PDE4D: variants seen among roughly 807,000 people sequenced by gnomAD.
PDE4D encodes the protein phosphodiesterase 4D.
A neutral mutation model predicts 87.4 loss-of-function variants in PDE4D; 24 were observed. The ratio of observed to expected loss-of-function variants is 0.27; its 90% confidence interval spans 0.20 to 0.39. The LOEUF (loss-of-function observed/expected upper bound fraction) is 0.39. Among genes scored for constraint, PDE4D ranks in the 10% least tolerant of loss-of-function variants. The probability of loss-of-function intolerance (pLI) is 1.00; values close to 1 mark genes in which losing one functional copy is unlikely to be tolerated. For synonymous variants in PDE4D, 384 were observed against 383.2 expected (o/e 1.00, Z -0.02); for missense variants, 714 against 1,041.0 (o/e 0.69, Z 4.32).
At chr5:60,239,615 A>C (rs1746847220) in intron 1 of PDE4D, among the ~76,000 whole-genome samples, 1 of 152,102 alleles carries the variant, frequency 6.6e-6, no homozygotes, top group African/African-American at 2.4e-5. Flanking sequence ...TTACCTTAAA[A>C]TTTTGTAATT....
chr5:59,252,724 C>T (rs1286201333), intron 1 of PDE4D, among the ~76,000 whole-genome samples: 2 of 151,970 alleles, frequency 1.3e-5, no homozygotes, highest in Non-Finnish European at 2.9e-5. Flanking sequence ...ACAGGGTCTT[C>T]CTATGTTGCC....
intron 1 of PDE4D, among the ~76,000 whole-genome samples, chr5:59,509,338 C>T (rs1393423922): frequency 2.0e-5 from 3 of 150,586 alleles, no homozygotes; most frequent in Non-Finnish European, 4.4e-5. Context: ...AAGAAAACCA[C>T]ACATGAAGAG....
At chr5:59,332,532 T>C (rs2153577508) in intron 1 of PDE4D, among the ~76,000 whole-genome samples, 1 of 152,250 alleles carries the variant, frequency 6.6e-6, no homozygotes, top group South Asian at 2.1e-4. Context: ...TTAGTTCTTC[T>C]CCATTTTCCT....
At chr5:59,962,053 T>G (rs1759530067) in intron 3 of PDE4D, among the ~76,000 whole-genome samples, 1 of 151,904 alleles carries the variant, frequency 6.6e-6, no homozygotes, top group Admixed American at 6.6e-5. Context: ...ATCCTTAATT[T>G]TTTTAGATTA....
intron 1 of PDE4D, among the ~76,000 whole-genome samples, chr5:59,870,696 A>T (rs1330837928): frequency 1.3e-5 from 2 of 152,154 alleles, no homozygotes; most frequent in Non-Finnish European, 2.9e-5. Flanking sequence ...GCTGAAGCTC[A>T]TTTGGGATCA....
At chr5:60,473,117 G>GAA (rs760062631) in intron 1 of PDE4D, among the ~76,000 whole-genome samples, 10 of 81,010 alleles carry the variant, frequency 1.2e-4, no homozygotes, top group African/African-American at 2.0e-4. Context: ...AAGAGAGAGA[G>GAA]AGAAAGAAAG....
chr5:60,515,853 T>C (rs1171752397), intron 1 of PDE4D, among the ~76,000 whole-genome samples: 4 of 152,196 alleles, frequency 2.6e-5, no homozygotes, highest in Admixed American at 2.6e-4. Flanking sequence ...TTGTGTGCAA[T>C]AGGTTGAACA....
At chr5:59,182,308 A>G (rs1741842735) in intron 4 of PDE4D, among the ~76,000 whole-genome samples, 1 of 151,380 alleles carries the variant, frequency 6.6e-6, no homozygotes, top group East Asian at 1.9e-4. Context: ...CTCAGGCTGG[A>G]GTGCAGTGGT....
At chr5:59,842,585 T>C (rs1010322572) in intron 1 of PDE4D, among the ~76,000 whole-genome samples, 7 of 152,206 alleles carry the variant, frequency 4.6e-5, no homozygotes, top group Middle Eastern at 3.4e-3. Flanking sequence ...TATGTAAAGA[T>C]AGTTGAATAA....
At chr5:59,729,110 G>T (rs1757018671) in intron 1 of PDE4D, among the ~76,000 whole-genome samples, 1 of 152,056 alleles carries the variant, frequency 6.6e-6, no homozygotes, top group African/African-American at 2.4e-5. Flanking sequence ...TAGAGAATGA[G>T]AAAGAAAGAG....
At chr5:59,689,405 G>C (rs901184891) in intron 1 of PDE4D, among the ~76,000 whole-genome samples, 3 of 152,136 alleles carry the variant, frequency 2.0e-5, no homozygotes, top group African/African-American at 4.8e-5. Flanking sequence ...GGGATGCAAG[G>C]CTGGTTCAAC....
intron 1 of PDE4D, among the ~76,000 whole-genome samples, chr5:59,589,776 C>T (rs546487824): frequency 6.6e-6 from 1 of 152,198 alleles, no homozygotes; most frequent in South Asian, 2.1e-4. Context: ...AAGCAAAGCA[C>T]TTTATAAATA....
At chr5:60,438,963 G>A (rs1317093065) in intron 1 of PDE4D, among the ~76,000 whole-genome samples, 1 of 152,056 alleles carries the variant, frequency 6.6e-6, no homozygotes, top group African/African-American at 2.4e-5. Context: ...TTGTCCTACG[G>A]ATATACTTGC....
chr5:60,102,472 C>A (rs1023446830), intron 2 of PDE4D, among the ~76,000 whole-genome samples: 13 of 152,032 alleles, frequency 8.6e-5, no homozygotes, highest in African/African-American at 3.1e-4. Flanking sequence ...GGTAGGAAAG[C>A]AAGGCTGCAT....
intron 2 of PDE4D, among the ~76,000 whole-genome samples, chr5:60,137,439 T>C (rs1250006453): frequency 6.6e-6 from 1 of 152,156 alleles, no homozygotes; most frequent in East Asian, 1.9e-4. Flanking sequence ...CATTCGTTTT[T>C]CTCCATAAGC....
At chr5:59,072,287 G>A (rs1764976813) in intron 5 of PDE4D, among the ~76,000 whole-genome samples, 1 of 152,062 alleles carries the variant, frequency 6.6e-6, no homozygotes, top group Non-Finnish European at 1.5e-5. Context: ...AAGCATAGTT[G>A]GAAGCTGACT....
At chr5:60,080,464 T>C (rs1484506670) in intron 2 of PDE4D, among the ~76,000 whole-genome samples, 1 of 152,220 alleles carries the variant, frequency 6.6e-6, no homozygotes, top group Non-Finnish European at 1.5e-5. Context: ...GTACCAGTTT[T>C]CAAATGGAAT....
intron 2 of PDE4D, among the ~76,000 whole-genome samples, chr5:59,204,896 G>T (rs1437456084): frequency 6.6e-6 from 1 of 152,196 alleles, no homozygotes; most frequent in Non-Finnish European, 1.5e-5. Flanking sequence ...AGATTAAAAG[G>T]AAGCCCTTGA....
At chr5:59,076,593 C>A (rs1279928625) in intron 5 of PDE4D, among the ~76,000 whole-genome samples, 2 of 152,130 alleles carry the variant, frequency 1.3e-5, no homozygotes, top group Non-Finnish European at 2.9e-5. Flanking sequence ...ATGATTATTA[C>A]TCTCAAGTTG....
Sources: gnomAD v4.1 joint callset for allele counts (sites outside exome capture counted in the v4.1 genomes callset) on GRCh38, gnomAD v4.1.1 for gene constraint, MANE v1.5 for transcripts, NCBI Gene and HGNC (gene_info 2026-07-23, HGNC 2026-07-21) for gene names.